The following EP300 variants were observed in gnomAD, a reference collection of about 807,000 sequenced individuals.
EP300 encodes the protein EP300 lysine acetyltransferase.
In EP300, 31 loss-of-function variants were observed where a neutral mutation model predicts 264.0. That is an observed-to-expected ratio of 0.12 (90% confidence interval 0.09 to 0.16). The LOEUF (loss-of-function observed/expected upper bound fraction) is 0.16. Among genes scored for constraint, EP300 ranks in the 10% least tolerant of loss-of-function variants. The probability of loss-of-function intolerance (pLI) is 1.00; values close to 1 mark genes in which losing one functional copy is unlikely to be tolerated. For synonymous variants in EP300, 1,340 were observed against 1,045.4 expected (o/e 1.28, Z -5.44); for missense variants, 2,766 against 3,052.9 (o/e 0.91, Z 2.21).
chr22:41,119,688 TAATTTCTTTCAGA>T (rs200828851), intron 2 of EP300, among the ~76,000 whole-genome samples: 2,770 of 152,268 alleles, frequency 0.018, 77 homozygotes, highest in African/African-American at 0.064. Flanking sequence ...GTTATAATCT[TAATTTCTTTCAGA>T]AACTGGGTTT....
intron 3 of EP300, 81 bp downstream of exon 3, chr22:41,126,121 A>T: frequency 6.9e-7 from 1 of 1,457,658 alleles, no homozygotes; most frequent in Middle Eastern, 1.8e-4. Context: ...CCCTTCTGTT[A>T]TATATGCTGG....
rs2145524277 is a variant in EP300 at position 41,178,852 on chromosome 22, G to A, written c.7141G>A (p.Gly2381Ser). ...SMLSQLASNPGMANLHGASAT... is the reference protein window; with the variant it reads ...SMLSQLASNPSMANLHGASAT... The stretch of plus-strand genomic sequence containing the variant: ...GCTTTCTCAGCTTGCTAGCAATCCA[G>A]GCATGGCAAACCTCCATGGTGCAAG... Residue 2381 changes from glycine to serine, a missense_variant, in exon 31 of 31, where the codon GGC becomes AGC. Gly to Ser is a moderately conservative substitution (Grantham distance 56). Coordinates refer to ENST00000263253, the MANE Select transcript of EP300 (RefSeq NM_001429.4). 1 of 1,614,164 alleles carries A rather than the reference G, an allele frequency of 6.2e-7. No homozygotes were observed. The highest frequency in any genetic ancestry group is 1.3e-5 in the African/African-American group (1 of 75,006).
At chr22:41,103,493 G>T (rs912838083) in intron 1 of EP300, among the ~76,000 whole-genome samples, 1 of 152,142 alleles carries the variant, frequency 6.6e-6, no homozygotes, top group Non-Finnish European at 1.5e-5. Context: ...TAAAGGCAGG[G>T]GATGGGTTGC....
intron 6 of EP300, among the ~76,000 whole-genome samples, chr22:41,133,942 TTTTGACTTTTAATAA>T (rs2058934809): frequency 6.6e-6 from 1 of 152,186 alleles, no homozygotes; most frequent in Non-Finnish European, 1.5e-5. Flanking sequence ...TCAATTTTGA[TTTTGACTTTTAATAA>T]TTTAAGATCT....
At chr22:41,176,096 T>C (rs2059198821) in intron 29 of EP300, 151 bp from the exon 30 acceptor site, 3 of 837,322 alleles carry the variant, frequency 3.6e-6, no homozygotes, top group African/African-American at 1.7e-5. Context: ...GGTGTGGGCC[T>C]GTGGTCTCAG....
intron 1 of EP300, among the ~76,000 whole-genome samples, chr22:41,099,212 C>T (rs1451016944): frequency 6.6e-6 from 1 of 152,032 alleles, no homozygotes; most frequent in Non-Finnish European, 1.5e-5. Flanking sequence ...TACAGCTGCG[C>T]AGCACCATGC....
Position 41,146,828 on chromosome 22 carries a change from A to G in EP300, c.2131+12A>G. 2 of 1,612,706 alleles carry G rather than the reference A, an allele frequency of 1.2e-6. No individual in the cohort carries two copies. Among genetic ancestry groups the G allele is most frequent in the Non-Finnish European group, 1.7e-6 (2 of 1,179,056 alleles). ...AACTCCACAATCTGGTAAATAGTGA[A>G]AAAAATTTTTTTATTTTAAAAGAAT... is the stretch of plus-strand genomic sequence containing the variant. On this transcript the variant is annotated intron_variant, in intron 11 of 30. Coordinates refer to ENST00000263253, the MANE Select transcript of EP300 (RefSeq NM_001429.4).
intron 27 of EP300, among the ~76,000 whole-genome samples, chr22:41,171,828 G>T (rs2059172518): frequency 1.3e-5 from 2 of 151,808 alleles, no homozygotes; most frequent in Admixed American, 6.6e-5. Context: ...GGTCAGGCTG[G>T]TCTCGAACTC....
At chr22:41,154,376 CTTTTTTTTTTTTTTTTT>C (rs869304891) in intron 16 of EP300, among the ~76,000 whole-genome samples, 3 of 61,792 alleles carry the variant, frequency 4.9e-5, no homozygotes, top group Admixed American at 6.9e-4. Context: ...CTTGTGCACT[CTTTTTTTTTTTTTTTTT>C]TTTTTTGAGA....
In EP300 at chr22:41,117,788, A is replaced by G. The variant is rs774275325; in HGVS notation, c.696A>G (p.Gly232=). 1.1e-5 allele frequency: 18 copies of G among 1,614,184 alleles called. No individual in the cohort carries two copies. The highest frequency in any genetic ancestry group is 1.5e-5 in the Non-Finnish European group (18 of 1,180,026). The stretch of plus-strand genomic sequence containing the variant: ...AGCAGGGCTCTCCCCAGATGGGAGG[A>G]CAAACAGGATTGAGAGGCCCCCAGC... The part of the protein sequence containing the change: ...PLQQGSPQMG[G]QTGLRGPQPL... Residue 232 remains glycine (G), a synonymous_variant, in exon 2 of 31, where the codon GGA becomes GGG. Transcript: ENST00000263253.
At chr22:41,132,022 C>A (rs2058922561) in intron 6 of EP300, among the ~76,000 whole-genome samples, 1 of 151,782 alleles carries the variant, frequency 6.6e-6, no homozygotes, top group African/African-American at 2.4e-5. Context: ...ATAGTGAAAC[C>A]CCGTCTCTAC....
rs2145525454 is a variant in EP300 at position 41,179,029 on chromosome 22, T to C, written c.*73T>C. On this transcript the variant is annotated 3_prime_UTR_variant, in exon 31 of 31. Transcript: ENST00000263253. ...AAGACTTTTTGTACTGAAAACAATTTTTTTGAATCTTTCGTAGCCTAAAAG... is the reference window on the plus strand; with the variant it reads ...AAGACTTTTTGTACTGAAAACAATTCTTTTGAATCTTTCGTAGCCTAAAAG... 1 of 1,568,552 alleles carries C rather than the reference T, an allele frequency of 6.4e-7. No individual in the cohort carries two copies. The highest frequency in any genetic ancestry group is 2.2e-5 in the East Asian group (1 of 44,506).
chr22:41,139,519 C>T (rs533601104), intron 8 of EP300, among the ~76,000 whole-genome samples: 1 of 152,258 alleles, frequency 6.6e-6, no homozygotes, highest in South Asian at 2.1e-4. Flanking sequence ...CTGGTTCCTT[C>T]AAGTCCTATG....
intron 1 of EP300, among the ~76,000 whole-genome samples, chr22:41,108,927 AG>A (rs1360541605): frequency 6.6e-6 from 1 of 152,230 alleles, no homozygotes; most frequent in South Asian, 2.1e-4. Flanking sequence ...TTAAATATAA[AG>A]GGGGCAAAAG....
At chr22:41,128,990 C>T (rs1422319870) in intron 4 of EP300, among the ~76,000 whole-genome samples, 3 of 151,752 alleles carry the variant, frequency 2.0e-5, no homozygotes, top group East Asian at 3.9e-4. Flanking sequence ...CTGATAGTGA[C>T]GTTATTTTAG....
At chr22:41,165,882 G>A (rs1037861951) in intron 22 of EP300, among the ~76,000 whole-genome samples, 1 of 151,792 alleles carries the variant, frequency 6.6e-6, no homozygotes, top group Non-Finnish European at 1.5e-5. Flanking sequence ...CAATTCTCCT[G>A]CCTCAGCCTC....
rs758604225 is a variant in EP300, at chr22:41,093,016, T to C, written c.12T>C (p.Asn4=). The change falls in exon 1 of 31, where the codon AAT becomes AAC. Residue 4 remains asparagine, a synonymous_variant. Coordinates refer to ENST00000263253, the MANE Select transcript of EP300 (RefSeq NM_001429.4). The part of the protein sequence containing the change: MAE[N]VVEPGPPSAK... ...CGAAAGAATTAAAAATGGCCGAGAATGTGGTGGAACCGGGGCCGCCTTCAG... is the reference window on the plus strand; with the variant it reads ...CGAAAGAATTAAAAATGGCCGAGAACGTGGTGGAACCGGGGCCGCCTTCAG... 36 of 1,613,924 alleles carry C rather than the reference T, an allele frequency of 2.2e-5. No homozygotes were observed. Among genetic ancestry groups the C allele is most frequent in the Admixed American group, 1.8e-4 (11 of 60,002 alleles).
rs760595859 is a variant in EP300 at position 41,117,529 on chromosome 22, G to T, written c.437G>T (p.Gly146Val). 3 of 1,614,186 alleles carry T rather than the reference G, an allele frequency of 1.9e-6. No homozygotes were observed. Among genetic ancestry groups the T allele is most frequent in the Non-Finnish European group, 2.5e-6 (3 of 1,180,014 alleles). Residue 146 changes from glycine to valine, a missense_variant, in exon 2 of 31, where the codon GGT becomes GTT. Physicochemically the swap from Gly to Val is moderately radical, Grantham distance 109. Transcript: ENST00000263253. ...MGMGTSGPNQ[G>V]PTQSTGMMNS... The stretch of plus-strand genomic sequence containing the variant: ...ATGGGCACTAGTGGACCAAATCAGG[G>T]TCCTACGCAGTCAACAGGTATGATG...
In EP300 at chr22:41,147,703, A is replaced by G; in HGVS notation, c.2132-134A>G. ...CAGTGAGCGGAGATTGCGCCACTGC[A>G]CTCCAGCCTGGGCGACAGAGCAAGA... On this transcript the variant is annotated intron_variant, in intron 11 of 30. Coordinates refer to ENST00000263253, the MANE Select transcript of EP300 (RefSeq NM_001429.4). 20 of 672,866 alleles carry G rather than the reference A, an allele frequency of 3.0e-5. No individual in the cohort carries two copies. In the South Asian group the frequency reaches 3.2e-4, roughly 11 times the overall value. The allele number at this position is 672,866 out of a possible 1,614,324, so 41.7% of individuals were successfully genotyped here. A position where few individuals can be genotyped will look rare whatever the true frequency, so the allele number is the denominator to read the frequency against.
Sources: allele counts gnomAD v4.1 joint callset (sites outside exome capture counted in the v4.1 genomes callset), GRCh38; gene constraint gnomAD v4.1.1; transcripts MANE v1.5; gene names NCBI Gene and HGNC (gene_info 2026-07-23, HGNC 2026-07-21).